Variants in WWOX observed in about 807,000 individuals in gnomAD.
WWOX encodes the protein WW domain-containing oxidoreductase.
WWOX carries 69 observed loss-of-function variants against 46.2 expected under a neutral mutation model. The ratio of observed to expected loss-of-function variants is 1.49; its 90% CI spans 1.23 to 1.82. The LOEUF is 1.82. Ranked by LOEUF, WWOX falls within the 40% of genes most tolerant of loss-of-function variation. The pLI is 0.00. For synonymous variants in WWOX, 359 were observed against 202.6 expected (o/e 1.77, Z -6.56); for missense variants, 919 against 542.6 (o/e 1.69, Z -6.89).
chr16:78,857,795 TGCTGTTTATAGGA>T (rs370227083), intron 8 of WWOX, among the ~76,000 whole-genome samples: 49 of 152,306 alleles, frequency 3.2e-4, no homozygotes, highest in African/African-American at 1.1e-3. Context: ...AAAGAACATC[TGCTGTTTATAGGA>T]GCATAAATTG....
At chr16:78,615,836 C>T (rs149326172) in intron 8 of WWOX, among the ~76,000 whole-genome samples, 61 of 151,718 alleles carry the variant, frequency 4.0e-4, no homozygotes, top group African/African-American at 1.2e-3. Flanking sequence ...CTGTAAGCTC[C>T]GCCTCCCGAG....
intron 5 of WWOX, among the ~76,000 whole-genome samples, chr16:78,280,511 G>A (rs1297206878): frequency 6.6e-6 from 1 of 152,142 alleles, no homozygotes; most frequent in Admixed American, 6.5e-5. Flanking sequence ...TATAAGAAAA[G>A]AGGTTTAATT....
intron 8 of WWOX, among the ~76,000 whole-genome samples, chr16:78,962,781 C>A (rs151123978): frequency 6.6e-6 from 1 of 152,294 alleles, no homozygotes; most frequent in African/African-American, 2.4e-5. Flanking sequence ...TCAGAAGGCT[C>A]ATCTGTTCCC....
intron 8 of WWOX, among the ~76,000 whole-genome samples, chr16:78,595,182 C>A (rs2045458580): frequency 6.6e-6 from 1 of 152,336 alleles, no homozygotes; most frequent in South Asian, 2.1e-4. Flanking sequence ...TCATTGCAGG[C>A]AGCTGCTGCT....
chr16:78,590,251 G>C (rs939231440), intron 8 of WWOX, among the ~76,000 whole-genome samples: 3 of 152,132 alleles, frequency 2.0e-5, no homozygotes, highest in Non-Finnish European at 2.9e-5. Context: ...TCAAGATGCA[G>C]ACAGGCTTGG....
At position 78,348,486 on chromosome 16, in the gene WWOX, G is replaced by A. The variant is rs571168000; in HGVS notation, c.517-38374G>A. On this transcript the variant is annotated intron_variant, in intron 5 of 8. Transcript: ENST00000566780. ...TATTTTATTTTAGTTTTTTGAGACA[G>A]GGTCTCTGTCGCTCAGGCTGGATTG... is the stretch of plus-strand genomic sequence containing the variant. Among the ~76,000 whole-genome samples the A allele has an allele frequency of 1.0e-3, 126 of 121,066 alleles. 31 individuals are homozygous for A. Among genetic ancestry groups the A allele is most frequent in the African/African-American group, 3.3e-3 (119 of 35,676 alleles). The allele number at this position is 121,066 out of a possible 152,430, so 79.4% of individuals were successfully genotyped here.
chr16:78,178,151 G>T (rs980080001), intron 5 of WWOX, among the ~76,000 whole-genome samples: 15 of 152,194 alleles, frequency 9.9e-5, no homozygotes, highest in Admixed American at 3.3e-4. Flanking sequence ...TACCCGGAGA[G>T]CAGGCAAGAC....
chr16:78,492,838 C>T (rs570063003), intron 8 of WWOX, among the ~76,000 whole-genome samples: 90 of 152,172 alleles, frequency 5.9e-4, no homozygotes, highest in Non-Finnish European at 9.4e-4. Context: ...CCTGCTAGGC[C>T]GAATACTTGT....
intron 8 of WWOX, among the ~76,000 whole-genome samples, chr16:78,917,697 G>T (rs2045284349): frequency 6.6e-6 from 1 of 151,908 alleles, no homozygotes; most frequent in Admixed American, 6.6e-5. Context: ...GACTACTCGT[G>T]GGCAGGGACT....
At chr16:78,602,888 T>G (rs564764438) in intron 8 of WWOX, among the ~76,000 whole-genome samples, 38 of 152,148 alleles carry the variant, frequency 2.5e-4, no homozygotes, top group Non-Finnish European at 5.1e-4. Flanking sequence ...TCCTGAGACT[T>G]GAATCTCCGC....
chr16:78,834,896 A>G (rs1309496477), intron 8 of WWOX, among the ~76,000 whole-genome samples: 1 of 152,234 alleles, frequency 6.6e-6, no homozygotes, highest in Non-Finnish European at 1.5e-5. Flanking sequence ...TGTAATAATC[A>G]TGCGTACCAC....
chr16:78,100,061 G>C (rs1321299330), intron 1 of WWOX, 176 bp downstream of exon 1: 1 of 1,403,662 alleles, frequency 7.1e-7, no homozygotes, highest in African/African-American at 1.5e-5. Flanking sequence ...CGGCCCCCTT[G>C]GTGGGCCTCG....
At chr16:78,492,031 A>C (rs1270857780) in intron 8 of WWOX, among the ~76,000 whole-genome samples, 1 of 53,390 alleles carries the variant, frequency 1.9e-5, no homozygotes, top group Non-Finnish European at 5.8e-5. Context: ...GGACAAAGGG[A>C]GTGGGGGTGT....
At chr16:79,148,200 T>A (rs1455541559) in intron 8 of WWOX, among the ~76,000 whole-genome samples, 1 of 152,218 alleles carries the variant, frequency 6.6e-6, no homozygotes, top group Non-Finnish European at 1.5e-5. Context: ...AAGTCATATA[T>A]TTTTGCATTT....
At chr16:78,185,183 A>G (rs1352992463) in intron 5 of WWOX, among the ~76,000 whole-genome samples, 1 of 152,224 alleles carries the variant, frequency 6.6e-6, no homozygotes, top group Non-Finnish European at 1.5e-5. Context: ...ATATGTGCAT[A>G]GAGGGAGGCC....
chr16:78,838,704 G>A (rs373671237), intron 8 of WWOX, among the ~76,000 whole-genome samples: 3 of 152,066 alleles, frequency 2.0e-5, no homozygotes, highest in Admixed American at 6.6e-5. Flanking sequence ...TTAGCCGGGC[G>A]TGGTAGCACA....
chr16:78,785,364 A>G (rs1003666386), intron 8 of WWOX, among the ~76,000 whole-genome samples: 3 of 152,146 alleles, frequency 2.0e-5, no homozygotes, highest in Non-Finnish European at 4.4e-5. Flanking sequence ...TAGGGAAGAA[A>G]CTCAGTTAAG....
intron 8 of WWOX, chr16:78,757,064 G>C (rs1263040982): frequency 5.7e-6 from 4 of 702,210 alleles, no homozygotes; most frequent in Non-Finnish European, 1.0e-5. Flanking sequence ...GTTAAGCCTT[G>C]AGGTGATTGC....
chr16:78,561,529 C>T (rs1260177383), intron 8 of WWOX, among the ~76,000 whole-genome samples: 1 of 152,054 alleles, frequency 6.6e-6, no homozygotes, highest in East Asian at 1.9e-4. Context: ...CATGCGTACA[C>T]CATGGACCGG....
Sources: allele counts gnomAD v4.1 joint callset (sites outside exome capture counted in the v4.1 genomes callset), GRCh38; gene constraint gnomAD v4.1.1; transcripts MANE v1.5; gene names NCBI Gene and HGNC (gene_info 2026-07-23, HGNC 2026-07-21).